LTBP1: variants seen among roughly 807,000 people sequenced by gnomAD.
LTBP1 encodes the protein latent transforming growth factor beta binding protein 1, also known as latent-transforming growth factor beta-binding protein 1.
LTBP1 carries 129 observed loss-of-function variants against 207.6 expected under a neutral mutation model. The observed-to-expected ratio is 0.62, with a 90% confidence interval of 0.54 to 0.72. The LOEUF is 0.72. LTBP1 is among the 30% of genes least tolerant of loss of function. The probability of loss-of-function intolerance (pLI) is 0.00; values close to 1 mark genes in which losing one functional copy is unlikely to be tolerated. For missense variants in LTBP1, 2,281 were observed against 2,217.2 expected (o/e 1.03, Z -0.58); for synonymous variants, 963 against 833.7 (o/e 1.16, Z -2.67).
intron 4 of LTBP1, among the ~76,000 whole-genome samples, chr2:33,130,896 T>A (rs972187793): frequency 6.0e-5 from 9 of 149,214 alleles, no homozygotes; most frequent in Non-Finnish European, 1.3e-4. Context: ...AAAAATTGCA[T>A]TTTTTTTCCT....
chr2:33,072,041 C>T (rs1357690701), intron 3 of LTBP1, among the ~76,000 whole-genome samples: 2 of 152,020 alleles, frequency 1.3e-5, no homozygotes, highest in African/African-American at 4.8e-5. Context: ...AGACTGCCCC[C>T]GTTTCAGATA....
chr2:33,021,250 A>G, intron 3 of LTBP1, 44 bp downstream of exon 3: 2 of 1,511,862 alleles, frequency 1.3e-6, no homozygotes, highest in Non-Finnish European at 1.8e-6. Context: ...CATCTTAATT[A>G]CTCTCTTGGA....
chr2:33,250,808 C>T (rs1033331801), intron 10 of LTBP1, among the ~76,000 whole-genome samples: 1 of 152,128 alleles, frequency 6.6e-6, no homozygotes, highest in Non-Finnish European at 1.5e-5. Context: ...CAGGTCAGGC[C>T]CACCCAACGT....
At chr2:33,108,500 C>A (rs1458384725) in intron 3 of LTBP1, among the ~76,000 whole-genome samples, 1 of 152,004 alleles carries the variant, frequency 6.6e-6, no homozygotes, top group African/African-American at 2.4e-5. Context: ...AAAAAGGGCC[C>A]GTCCACATGT....
At chr2:33,303,824 C>G (rs1470486097) in intron 22 of LTBP1, among the ~76,000 whole-genome samples, 6 of 152,160 alleles carry the variant, frequency 3.9e-5, no homozygotes, top group Admixed American at 3.9e-4. Context: ...CGCCCGGTTC[C>G]TAACAGGCCA....
chr2:33,355,434 A>G (rs950009929), intron 26 of LTBP1, among the ~76,000 whole-genome samples: 1 of 152,174 alleles, frequency 6.6e-6, no homozygotes, highest in Non-Finnish European at 1.5e-5. Context: ...TAGATGACTC[A>G]TAATACATAA....
intron 7 of LTBP1, among the ~76,000 whole-genome samples, chr2:33,190,026 T>C (rs1359047774): frequency 3.3e-5 from 5 of 152,042 alleles, no homozygotes; most frequent in Non-Finnish European, 7.4e-5. Context: ...AGACTCTGTC[T>C]CAAAAGAAAG....
At chr2:33,309,229 G>C (rs1267544960) in intron 22 of LTBP1, among the ~76,000 whole-genome samples, 59 of 150,090 alleles carry the variant, frequency 3.9e-4, no homozygotes, top group Non-Finnish European at 8.8e-5. Flanking sequence ...GTTGCAGTGA[G>C]CCAAGATAGC....
Position 33,177,574 on chromosome 2 carries a change from A to G in LTBP1, c.1202-9282A>G, listed in dbSNP as rs148902848. Reference sequence around the variant, plus strand: ...TCTCAGCTACTTGGGATGCTGAGGCAGGAGAATGGCTTGAACTTGGGAGAT... The same window carrying G: ...TCTCAGCTACTTGGGATGCTGAGGCGGGAGAATGGCTTGAACTTGGGAGAT... On this transcript the variant is annotated intron_variant, in intron 5 of 33. Transcript: ENST00000404816. 1.8e-3 allele frequency among the ~76,000 whole-genome samples: 280 copies of G among 152,276 alleles called. 2 individuals carry two copies. The highest frequency in any genetic ancestry group is 3.5e-3 in the Admixed American group (54 of 15,300).
At chr2:33,257,584 C>G in intron 12 of LTBP1, 73 bp downstream of exon 12, 1 of 1,248,126 alleles carries the variant, frequency 8.0e-7, no homozygotes, top group South Asian at 1.3e-5. Flanking sequence ...CTGTTTATAA[C>G]CCTCTAGAAC....
rs1287721436 is a variant in LTBP1 at position 33,138,882 on chromosome 2, G to A, written c.1201+3922G>A. 1.1e-4 allele frequency among the ~76,000 whole-genome samples: 12 copies of A among 110,902 alleles called. No individual in the cohort carries two copies. The East Asian group carries it at 1.2e-3, about 11-fold the overall frequency. The allele number at this position is 110,902 out of a possible 152,430, so 72.8% of individuals were successfully genotyped here. ...TTTTTTTTTTTTTTTTTTTTGAGAC[G>A]GAGTCTCGCTCTGTCGCCCAGGCTG... On this transcript the variant is annotated intron_variant, in intron 5 of 33. Coordinates refer to ENST00000404816, the MANE Select transcript of LTBP1 (RefSeq NM_206943.4).
At chr2:33,306,973 AG>A (rs1182910350) in intron 22 of LTBP1, among the ~76,000 whole-genome samples, 1 of 152,142 alleles carries the variant, frequency 6.6e-6, no homozygotes, top group African/African-American at 2.4e-5. Context: ...CTGTAGTCCC[AG>A]CTACTTGGGA....
chr2:33,115,456 A>T (rs1411099811), intron 4 of LTBP1, among the ~76,000 whole-genome samples: 1 of 152,178 alleles, frequency 6.6e-6, no homozygotes, highest in Non-Finnish European at 1.5e-5. Context: ...AACACTAAAA[A>T]TAAAAAAACT....
chr2:33,187,683 G>A (rs1473602846), intron 6 of LTBP1, among the ~76,000 whole-genome samples: 1 of 152,194 alleles, frequency 6.6e-6, no homozygotes, highest in African/African-American at 2.4e-5. Flanking sequence ...CTGAGTCCTT[G>A]CATCAGGAGA....
chr2:33,301,682 C>G, intron 22 of LTBP1, 38 bp downstream of exon 22: 1 of 1,525,992 alleles, frequency 6.6e-7, no homozygotes, highest in Non-Finnish European at 8.8e-7. Context: ...ATAAAATGCC[C>G]AGATCGGAGG....
intron 7 of LTBP1, among the ~76,000 whole-genome samples, chr2:33,211,110 C>T (rs2090275764): frequency 6.6e-6 from 1 of 152,038 alleles, no homozygotes; most frequent in African/African-American, 2.4e-5. Context: ...GTAATGAAGA[C>T]AATTAATAAG....
chr2:33,151,420 C>T (rs1318617457), intron 5 of LTBP1, among the ~76,000 whole-genome samples: 1 of 152,030 alleles, frequency 6.6e-6, no homozygotes. Flanking sequence ...CTTATTTTCC[C>T]ATTCTTTTAT....
chr2:33,375,549 A>G (rs1044509452), intron 31 of LTBP1, among the ~76,000 whole-genome samples: 1 of 151,948 alleles, frequency 6.6e-6, no homozygotes, highest in African/African-American at 2.4e-5. Flanking sequence ...TTATTTTGAG[A>G]CGGAGTCTCG....
chr2:33,031,549 A>G (rs947306630), intron 3 of LTBP1, among the ~76,000 whole-genome samples: 1 of 152,250 alleles, frequency 6.6e-6, no homozygotes. Context: ...TATGTGGTGC[A>G]TAGTATAAAT....
Sources: allele counts gnomAD v4.1 joint callset (sites outside exome capture counted in the v4.1 genomes callset), GRCh38; gene constraint gnomAD v4.1.1; transcripts MANE v1.5; gene names NCBI Gene and HGNC (gene_info 2026-07-23, HGNC 2026-07-21).